Variants in CADM1 observed in about 807,000 individuals in gnomAD.
CADM1 encodes the protein TSLC-1.
In CADM1, 15 loss-of-function variants were observed where a neutral mutation model predicts 53.1. The observed-to-expected ratio is 0.28, with a 90% confidence interval of 0.19 to 0.44. CADM1 has a LOEUF of 0.44. CADM1 is among the 20% of genes least tolerant of loss of function. CADM1 has a pLI of 1.00. For synonymous variants in CADM1, 281 were observed against 243.0 expected, an observed-to-expected ratio of 1.16 and a Z score of -1.45; for missense variants, 434 against 611.3, an observed-to-expected ratio of 0.71 and a Z score of 3.06.
intron 1 of CADM1, among the ~76,000 whole-genome samples, chr11:115,274,122 T>C (rs1943379800): frequency 6.6e-6 from 1 of 152,282 alleles, no homozygotes; most frequent in Non-Finnish European, 1.5e-5. Context: ...TGAATTCATC[T>C]AGATAAGCTT....
chr11:115,348,319 T>C (rs1000242746), intron 1 of CADM1, among the ~76,000 whole-genome samples: 1 of 152,210 alleles, frequency 6.6e-6, no homozygotes, highest in African/African-American at 2.4e-5. Context: ...AATCTGTCAT[T>C]TGTTAATCAA....
Position 115,190,918 on chromosome 11 carries a change from C to T in CADM1, c.1135G>A (p.Ala379Thr), listed in dbSNP as rs778162315. 37 of 1,594,536 alleles carry T rather than the reference C, an allele frequency of 2.3e-5. No individual in the cohort carries two copies. The highest frequency in any genetic ancestry group is 3.0e-5 in the Non-Finnish European group (35 of 1,178,194). ...AGGTCCTCACTGTCCAGTTCTTCTG[C>T]GGAATTGGGCAACTGAGTAAGGCCT... ...VHGLTQLPNS[A>T]EELDSEDLSD... is the part of the protein sequence containing the mutation. The change falls in exon 10 of 12, where the codon GCA becomes ACA. Residue 379 changes from alanine (A) to threonine (T), a missense_variant. By Grantham distance (58) the Ala-to-Thr change is moderately conservative. Coordinates refer to ENST00000331581, the MANE Select transcript of CADM1 (RefSeq NM_001301043.2).
intron 1 of CADM1, among the ~76,000 whole-genome samples, chr11:115,294,977 T>A (rs1002805726): frequency 7.9e-5 from 12 of 152,108 alleles, no homozygotes; most frequent in Admixed American, 5.9e-4. Context: ...AGGTGGAGGT[T>A]GCAGTGAGCC....
At chr11:115,289,031 T>C (rs554304636) in intron 1 of CADM1, among the ~76,000 whole-genome samples, 1 of 152,232 alleles carries the variant, frequency 6.6e-6, no homozygotes, top group African/African-American at 2.4e-5. Context: ...CAGGAAGAAC[T>C]GAAGAAGCCA....
At chr11:115,449,072 C>T (rs745682078) in intron 1 of CADM1, among the ~76,000 whole-genome samples, 29 of 152,124 alleles carry the variant, frequency 1.9e-4, no homozygotes, top group Non-Finnish European at 3.2e-4. Context: ...TTTATGCAGG[C>T]ACCTTGTCCA....
chr11:115,496,892 C>T (rs1157746930), intron 1 of CADM1, among the ~76,000 whole-genome samples: 2 of 152,124 alleles, frequency 1.3e-5, no homozygotes, highest in East Asian at 3.9e-4. Context: ...AAAGTTGATA[C>T]CTACTGCAAA....
At chr11:115,307,907 T>C (rs904364712) in intron 1 of CADM1, among the ~76,000 whole-genome samples, 24 of 151,832 alleles carry the variant, frequency 1.6e-4, no homozygotes, top group Non-Finnish European at 3.2e-4. Flanking sequence ...GCTTTCTTTT[T>C]TAAAATCCAC....
intron 1 of CADM1, among the ~76,000 whole-genome samples, chr11:115,422,776 C>T (rs1947790921): frequency 6.6e-6 from 1 of 152,104 alleles, no homozygotes; most frequent in African/African-American, 2.4e-5. Context: ...TTTAACACAT[C>T]AGTCCTTTCG....
chr11:115,418,296 G>T (rs1478632593), intron 1 of CADM1, among the ~76,000 whole-genome samples: 1 of 152,134 alleles, frequency 6.6e-6, no homozygotes, highest in Non-Finnish European at 1.5e-5. Flanking sequence ...CACGCAAGTG[G>T]TTAAGATTAT....
At chr11:115,252,597 A>T (rs1942641118) in intron 1 of CADM1, among the ~76,000 whole-genome samples, 1 of 152,250 alleles carries the variant, frequency 6.6e-6, no homozygotes, top group Non-Finnish European at 1.5e-5. Flanking sequence ...TGCAATCTAC[A>T]GCATTAAAAA....
Position 115,175,754 on chromosome 11 carries a change from T to C in CADM1, c.*720A>G. On this transcript the variant is annotated 3_prime_UTR_variant, in exon 12 of 12. Transcript: ENST00000331581. ...CACACCTCACTTGCAGATAACCCTG[T>C]ACAGTAATGTAGTTCCACAGCAAAC... The C allele has an allele frequency of 1.0e-6, 1 of 992,872 alleles. No homozygotes were observed. Among genetic ancestry groups the C allele is most frequent in the East Asian group, 1.1e-4 (1 of 9,016 alleles). The allele number at this position is 992,872 out of a possible 1,614,324, so 61.5% of individuals were successfully genotyped here.
chr11:115,450,972 T>G (rs1020749462), intron 1 of CADM1, among the ~76,000 whole-genome samples: 5 of 152,220 alleles, frequency 3.3e-5, no homozygotes, highest in African/African-American at 1.2e-4. Flanking sequence ...CAATCAAGGC[T>G]AACATTTCAG....
At chr11:115,198,459 T>C (rs1422814669) in intron 8 of CADM1, 21 bp from the exon 9 acceptor site, 2 of 1,592,328 alleles carry the variant, frequency 1.3e-6, no homozygotes, top group East Asian at 2.2e-5. Context: ...GAACAGAGGA[T>C]TGGAGGAAGG....
Position 115,446,878 on chromosome 11 carries a change from C to T in CADM1, c.124+57393G>A, listed in dbSNP as rs181216354. On this transcript the variant is annotated intron_variant, in intron 1 of 11. Transcript: ENST00000331581. ...AAAACCAGGATCCATCATCGTCTGC[C>T]CCTACCCTCCAGGGAACCCAATTTG... Among the ~76,000 whole-genome samples the T allele has an allele frequency of 2.6e-3, 401 of 152,212 alleles. 5 individuals are homozygous for T. Among genetic ancestry groups the T allele is most frequent in the Non-Finnish European group, 4.5e-3 (307 of 68,008 alleles).
At chr11:115,274,453 T>A (rs576788186) in intron 1 of CADM1, among the ~76,000 whole-genome samples, 96 of 152,372 alleles carry the variant, frequency 6.3e-4, no homozygotes, top group African/African-American at 2.3e-3. Context: ...TAAAAAAGTC[T>A]ACTTCTTCCC....
intron 10 of CADM1, among the ~76,000 whole-genome samples, chr11:115,182,340 G>A (rs1939352213): frequency 6.6e-6 from 1 of 152,206 alleles, no homozygotes; most frequent in African/African-American, 2.4e-5. Context: ...TCCCTAAGAG[G>A]CTACAAGTGT....
Position 115,328,714 on chromosome 11 carries a change from G to A in CADM1, c.125-88294C>T, listed in dbSNP as rs906026507. Among the ~76,000 whole-genome samples, 67 of 51,186 alleles carry A rather than the reference G, an allele frequency of 1.3e-3. 13 individuals carry two copies. The highest frequency in any genetic ancestry group is 0.01 in the South Asian group (12 of 1,178). The allele number at this position is 51,186 out of a possible 152,430, so 33.6% of individuals were successfully genotyped here. A position where few individuals can be genotyped will look rare whatever the true frequency, so the allele number is the denominator to read the frequency against. Reference sequence around the variant, plus strand: ...TGTGTATATATATGTATATATATATGTGTATATATATGTATATACATATAT... The same window carrying A: ...TGTGTATATATATGTATATATATATATGTATATATATGTATATACATATAT... On this transcript the variant is annotated intron_variant, in intron 1 of 11. Transcript: ENST00000331581.
chr11:115,348,493 C>T (rs1343515945), intron 1 of CADM1, among the ~76,000 whole-genome samples: 1 of 152,170 alleles, frequency 6.6e-6, no homozygotes, highest in Non-Finnish European at 1.5e-5. Flanking sequence ...AAACCTTACC[C>T]TTCACTGAGG....
chr11:115,226,080 TG>T (rs1941595666), intron 5 of CADM1, among the ~76,000 whole-genome samples: 1 of 152,168 alleles, frequency 6.6e-6, no homozygotes, highest in Non-Finnish European at 1.5e-5. Context: ...GATAACCTAT[TG>T]TTTCTCACCG....
Sources: gnomAD v4.1 joint callset for allele counts (sites outside exome capture counted in the v4.1 genomes callset) on GRCh38, gnomAD v4.1.1 for gene constraint, MANE v1.5 for transcripts, NCBI Gene and HGNC (gene_info 2026-07-23, HGNC 2026-07-21) for gene names.